Variants in FOXP2 observed in about 807,000 individuals in gnomAD.
FOXP2 encodes the protein forkhead box P2, also known as forkhead box protein P2.
FOXP2 carries 12 observed loss-of-function variants against 115.8 expected under a neutral mutation model. The observed-to-expected ratio is 0.10, with a 90% CI of 0.07 to 0.17. The LOEUF (loss-of-function observed/expected upper bound fraction) is 0.17, where lower values mean the gene tolerates loss of function less well. Among genes scored for constraint, FOXP2 ranks in the 10% least tolerant of loss-of-function variants. FOXP2 has a pLI of 1.00. For missense variants in FOXP2, 629 were observed against 843.5 expected (o/e 0.75, Z 3.15); for synonymous variants, 328 against 297.7 (o/e 1.10, Z -1.05).
At chr7:114,569,327 C>T (rs184157203) in intron 3 of FOXP2, among the ~76,000 whole-genome samples, 10 of 151,978 alleles carry the variant, frequency 6.6e-5, no homozygotes, top group Admixed American at 2.0e-4. Flanking sequence ...TAGCATATTT[C>T]AACCTTATTT....
At chr7:114,389,305 G>A (rs1278376966) in intron 2 of FOXP2, among the ~76,000 whole-genome samples, 2 of 152,178 alleles carry the variant, frequency 1.3e-5, no homozygotes, top group African/African-American at 4.8e-5. Flanking sequence ...AGAGTTTCTA[G>A]AGGAGTGAAT....
At chr7:114,412,531 T>C (rs1793189674), upstream of FOXP2, among the ~76,000 whole-genome samples, 1 of 152,172 alleles carries the variant, frequency 6.6e-6, no homozygotes, top group Non-Finnish European at 1.5e-5. Context: ...GTATTTGCAT[T>C]AGTTAATTAT....
chr7:114,485,780 A>G (rs1490491177), intron 2 of FOXP2, among the ~76,000 whole-genome samples: 1 of 152,158 alleles, frequency 6.6e-6, no homozygotes, highest in African/African-American at 2.4e-5. Context: ...CACTTACAAA[A>G]TTTACAGAAA....
In FOXP2 at chr7:114,642,419, G is replaced by A. The variant is rs1383735594; in HGVS notation, c.785G>A (p.Ser262Asn). Residue 262 changes from serine (S) to asparagine (N), a missense_variant, in exon 7 of 17, where the codon AGT becomes AAT. This residue lies in a region of FOXP2 where 138 missense variants were observed against 205.1 expected (regional missense o/e 0.67). Transcript: ENST00000350908. ...PVQSLPQAGLSPAEIQQLWKE... is the reference protein window; with the variant it reads ...PVQSLPQAGLNPAEIQQLWKE... The stretch of plus-strand genomic sequence containing the variant: ...TTCTTTCATTTTATAGCTGGCTTAA[G>A]TCCTGCTGAGATTCAGCAGTTATGG... 9 of 1,613,162 alleles carry A rather than the reference G, an allele frequency of 5.6e-6. No individual in the cohort carries two copies. The highest frequency in any genetic ancestry group is 1.1e-5 in the South Asian group (1 of 91,054).
At chr7:114,179,133 G>T (rs146513846) in intron 1 of FOXP2, among the ~76,000 whole-genome samples, 2,691 of 151,918 alleles carry the variant, frequency 0.018, 33 homozygotes, top group Non-Finnish European at 0.027. Flanking sequence ...TAGTTGGTCA[G>T]TTGTAAAATC....
rs190640079 is a variant in FOXP2, at chr7:114,547,522, C to G, written c.258+12816C>G. 1.7e-3 allele frequency among the ~76,000 whole-genome samples: 256 copies of G among 152,242 alleles called. 2 individuals carry two copies. Among genetic ancestry groups the G allele is most frequent in the East Asian group, 4.4e-3 (23 of 5,170 alleles). On this transcript the variant is annotated intron_variant, in intron 3 of 16. Transcript: ENST00000350908. ...CCTGTAATCACAACAGTTTGGGAGG[C>G]CGAGGCGGGCGGGTCACGAGGTCAG...
intron 2 of FOXP2, among the ~76,000 whole-genome samples, chr7:114,407,315 A>G (rs575169772): frequency 3.6e-4 from 54 of 152,112 alleles, no homozygotes; most frequent in Admixed American, 5.2e-4. Flanking sequence ...TAATATAACA[A>G]TCAAACATCA....
intron 1 of FOXP2, among the ~76,000 whole-genome samples, chr7:114,105,223 T>A (rs576107391): frequency 6.6e-6 from 1 of 152,138 alleles, no homozygotes; most frequent in East Asian, 1.9e-4. Flanking sequence ...TTCAGTTAAT[T>A]TTTTTAGCCT....
At chr7:114,102,723 C>CACAT (rs72092847) in intron 1 of FOXP2, among the ~76,000 whole-genome samples, 1 of 151,276 alleles carries the variant, frequency 6.6e-6, no homozygotes, top group East Asian at 1.9e-4. Flanking sequence ...CACACACACA[C>CACAT]ACACACACAC....
intron 3 of FOXP2, among the ~76,000 whole-genome samples, chr7:114,593,318 G>A (rs750961728): frequency 2.6e-5 from 4 of 151,878 alleles, no homozygotes; most frequent in Non-Finnish European, 5.9e-5. Context: ...GAGAGAGGGA[G>A]TCTGTGTGTG....
intron 1 of FOXP2, among the ~76,000 whole-genome samples, chr7:114,181,118 A>T (rs959146122): frequency 1.3e-5 from 2 of 151,730 alleles, no homozygotes; most frequent in African/African-American, 4.8e-5. Context: ...AATTTAATTA[A>T]TTGATGGCTT....
At chr7:114,598,335 C>A (rs1246830581) in intron 3 of FOXP2, among the ~76,000 whole-genome samples, 1 of 152,038 alleles carries the variant, frequency 6.6e-6, no homozygotes, top group South Asian at 2.1e-4. Context: ...GCTTTTTTCC[C>A]TACACAAAAG....
At chr7:114,464,626 A>T (rs537672848) in intron 2 of FOXP2, among the ~76,000 whole-genome samples, 1 of 152,360 alleles carries the variant, frequency 6.6e-6, no homozygotes, top group Admixed American at 6.5e-5. Flanking sequence ...TAAAGAGCTC[A>T]GTCTTTAGTC....
chr7:114,288,165 T>C (rs1796511001), intron 2 of FOXP2: 2 of 440,870 alleles, frequency 4.5e-6, no homozygotes, highest in Admixed American at 2.5e-5. Context: ...TTTTTATTTT[T>C]CTAATGCTGA....
At chr7:114,316,405 C>A (rs1447620851) in intron 2 of FOXP2, among the ~76,000 whole-genome samples, 2 of 152,168 alleles carry the variant, frequency 1.3e-5, no homozygotes, top group Non-Finnish European at 2.9e-5. Context: ...GCACTGTTGT[C>A]AGCACTACAG....
chr7:114,098,874 A>G (rs1799709671), intron 1 of FOXP2, among the ~76,000 whole-genome samples: 1 of 152,246 alleles, frequency 6.6e-6, no homozygotes, highest in Non-Finnish European at 1.5e-5. Flanking sequence ...ACAGTGGCTC[A>G]TGCCTGTAAT....
chr7:114,297,446 G>T, intron 2 of FOXP2: 1 of 465,358 alleles, frequency 2.1e-6, no homozygotes. Flanking sequence ...GCTCTTCAAT[G>T]GCTGCCGTAG....
chr7:114,306,745 T>C (rs1239956783), intron 2 of FOXP2, among the ~76,000 whole-genome samples: 1 of 152,096 alleles, frequency 6.6e-6, no homozygotes, highest in East Asian at 1.9e-4. Flanking sequence ...AGGAAGACCA[T>C]GTTTTTTTTT....
At chr7:114,255,137 G>C (rs1425870623) in intron 1 of FOXP2, among the ~76,000 whole-genome samples, 1 of 152,162 alleles carries the variant, frequency 6.6e-6, no homozygotes, top group Non-Finnish European at 1.5e-5. Flanking sequence ...GTTGCTGCCT[G>C]GTTTTTCCTC....
Sources: allele counts gnomAD v4.1 joint callset (sites outside exome capture counted in the v4.1 genomes callset), GRCh38; gene constraint gnomAD v4.1.1; regional missense constraint gnomAD v4.1.1; transcripts MANE v1.5; gene names NCBI Gene and HGNC (gene_info 2026-07-23, HGNC 2026-07-21).